Variants in NUDCD2 observed in about 807,000 individuals in gnomAD.
NUDCD2 encodes nudC domain-containing protein 2.
NUDCD2 carries 16 observed loss-of-function variants against 20.8 expected under a neutral mutation model. That is an observed-to-expected ratio of 0.77 (90% confidence interval 0.52 to 1.17). NUDCD2 has a LOEUF of 1.17. NUDCD2 is among the 50% of genes most tolerant of loss of function. The pLI is 0.00. For synonymous variants in NUDCD2, 87 were observed against 72.8 expected (o/e 1.20, Z -1.00); for missense variants, 199 against 193.9 (o/e 1.03, Z -0.16).
rs919876337 is a variant in NUDCD2, at chr5:163,450,714, TG to T, written c.*3252del. The T allele has an allele frequency of 3.9e-5, 6 of 152,126 alleles. No individual in the cohort carries two copies. The highest frequency in any genetic ancestry group is 1.4e-4 in the African/African-American group (6 of 41,436). 9.4% of individuals were successfully genotyped at this position (152,126 alleles called of 1,614,324 possible). On this transcript the variant is annotated 3_prime_UTR_variant, in exon 4 of 4. Transcript: ENST00000302764. The stretch of plus-strand genomic sequence containing the variant: ...AAATGGAACCTGCATACACTGCTGG[TG>T]GGAAAGTAAAAAGATGTAGCTGCTT...
Position 163,460,055 on chromosome 5 carries a change from C to A in NUDCD2, c.-5G>T. The stretch of plus-strand genomic sequence containing the variant: ...CTCCTCAAACGGGGCCGACATAATC[C>A]AGTCCCTCCCGGCCGCGGCCGCACC... On this transcript the variant is annotated 5_prime_UTR_variant, in exon 1 of 4. Coordinates refer to ENST00000302764, the MANE Select transcript of NUDCD2 (RefSeq NM_145266.6). The A allele has an allele frequency of 6.4e-7, 1 of 1,554,530 alleles. No individual in the cohort carries two copies. Among genetic ancestry groups the A allele is most frequent in the Non-Finnish European group, 8.7e-7 (1 of 1,151,998 alleles).
chr5:163,457,180 G>A, intron 2 of NUDCD2, 100 bp from the exon 3 acceptor site: 1 of 1,226,708 alleles, frequency 8.2e-7, no homozygotes, highest in South Asian at 1.7e-5. Context: ...CACCCAGGCT[G>A]GAGTGCAGCG....
At chr5:163,459,106 C>T (rs1375672261) in intron 1 of NUDCD2, 3 of 152,160 alleles carry the variant, frequency 2.0e-5, no homozygotes, top group Non-Finnish European at 4.4e-5. Flanking sequence ...GATATAGAGA[C>T]ACTGAACAAT....
At chr5:163,457,742 C>T (rs1758360304) in intron 1 of NUDCD2, 132 bp from the exon 2 acceptor site, 1 of 625,780 alleles carries the variant, frequency 1.6e-6, no homozygotes, top group Admixed American at 2.8e-5. Flanking sequence ...TTTATAGGTG[C>T]ACAACCCTAA....
rs1316496271 is a variant in NUDCD2, at chr5:163,449,081, T to G, written c.*4886A>C. 1.3e-5 allele frequency: 2 copies of G among 152,180 alleles called. No homozygotes were observed. The highest frequency in any genetic ancestry group is 6.5e-5 in the Admixed American group (1 of 15,276). 9.4% of individuals were successfully genotyped at this position (152,180 alleles called of 1,614,324 possible). A position where few individuals can be genotyped will look rare whatever the true frequency, so the allele number is the denominator to read the frequency against. On this transcript the variant is annotated 3_prime_UTR_variant, in exon 4 of 4. Coordinates refer to ENST00000302764, the MANE Select transcript of NUDCD2 (RefSeq NM_145266.6). ...TTCTCCATGTTATTGTTCTGGCCACTGCAATCAGGCAAGAAAAATCATAGA... is the reference window on the plus strand; with the variant it reads ...TTCTCCATGTTATTGTTCTGGCCACGGCAATCAGGCAAGAAAAATCATAGA...
intron 3 of NUDCD2, 123 bp downstream of exon 3, chr5:163,456,806 T>G: frequency 1.3e-6 from 1 of 795,520 alleles, no homozygotes; most frequent in South Asian, 3.1e-5. Flanking sequence ...CAATTCACTT[T>G]AAAAATTCTT....
At chr5:163,456,131 A>G (rs1313201586) in intron 3 of NUDCD2, among the ~76,000 whole-genome samples, 3 of 152,158 alleles carry the variant, frequency 2.0e-5, no homozygotes, top group African/African-American at 7.2e-5. Context: ...GAGATGTTGA[A>G]TAGGCAACCG....
chr5:163,459,919 C>T lies in NUDCD2; in HGVS notation c.132G>A (p.Gln44=). The change falls in exon 1 of 4, where the codon CAG becomes CAA. Residue 44 remains glutamine (Q), a synonymous_variant. Transcript: ENST00000302764. ...VPPGTRAQDI[Q]CGLQSRHVAL... ...CCACATGCCGGCTCTGGAGGCCGCA[C>T]TGGATATCCTGGGCGCGCGTGCCTG... 1 of 1,613,112 alleles carries T rather than the reference C, an allele frequency of 6.2e-7. No homozygotes were observed. Among genetic ancestry groups the T allele is most frequent in the Non-Finnish European group, 8.5e-7 (1 of 1,179,700 alleles).
Position 163,446,576 on chromosome 5 carries a change from G to A in NUDCD2, c.*7391C>T, listed in dbSNP as rs1046305613. 1 of 152,144 alleles carries A rather than the reference G, an allele frequency of 6.6e-6. No homozygotes were observed. The highest frequency in any genetic ancestry group is 2.4e-5 in the African/African-American group (1 of 41,418). The allele number at this position is 152,144 out of a possible 1,614,324, so 9.4% of individuals were successfully genotyped here. On this transcript the variant is annotated 3_prime_UTR_variant, in exon 4 of 4. Coordinates refer to ENST00000302764, the MANE Select transcript of NUDCD2 (RefSeq NM_145266.6). ...CTATATGCTGGCCACATTAACTTCT[G>A]TGCTGTCATCATGATCATAGAATAA... is the stretch of plus-strand genomic sequence containing the variant.
chr5:163,453,101 C>A lies in NUDCD2; in HGVS notation c.*866G>T, dbSNP rs756062464. The A allele has an allele frequency of 6.6e-6, 1 of 152,114 alleles. No homozygotes were observed. The highest frequency in any genetic ancestry group is 2.1e-4 in the South Asian group (1 of 4,826). The allele number at this position is 152,114 out of a possible 1,614,324, so 9.4% of individuals were successfully genotyped here. On this transcript the variant is annotated 3_prime_UTR_variant, in exon 4 of 4. Coordinates refer to ENST00000302764, the MANE Select transcript of NUDCD2 (RefSeq NM_145266.6). ...AGTAATCAGTAATGAGGAATCATGT[C>A]TTCAACTAAATCACAAATGGTTCAG...
chr5:163,460,044 C>G lies in NUDCD2; in HGVS notation c.7G>C (p.Ala3Pro). MS[A>P]PFEERSGVVP... ...ACCCCACTCCGCTCCTCAAACGGGGCCGACATAATCCAGTCCCTCCCGGCC... is the reference window on the plus strand; with the variant it reads ...ACCCCACTCCGCTCCTCAAACGGGGGCGACATAATCCAGTCCCTCCCGGCC... Residue 3 changes from alanine to proline, a missense_variant, in exon 1 of 4, where the codon GCC (alanine) becomes CCC (proline). Coordinates refer to ENST00000302764, the MANE Select transcript of NUDCD2 (RefSeq NM_145266.6). 1 of 1,576,504 alleles carries G rather than the reference C, an allele frequency of 6.3e-7. No homozygotes were observed. The highest frequency in any genetic ancestry group is 8.6e-7 in the Non-Finnish European group (1 of 1,163,530).
At chr5:163,455,489 C>T (rs1354721113) in intron 3 of NUDCD2, among the ~76,000 whole-genome samples, 3 of 152,052 alleles carry the variant, frequency 2.0e-5, no homozygotes, top group Non-Finnish European at 4.4e-5. Context: ...ACTGGCTGGG[C>T]GCGGTGGTTC....
rs944111771 is a variant in NUDCD2 at position 163,447,016 on chromosome 5, A to G, written c.*6951T>C. 3 of 152,234 alleles carry G rather than the reference A, an allele frequency of 2.0e-5. No homozygotes were observed. The highest frequency in any genetic ancestry group is 1.5e-5 in the Non-Finnish European group (1 of 68,050). The allele number at this position is 152,234 out of a possible 1,614,324, so 9.4% of individuals were successfully genotyped here. The stretch of plus-strand genomic sequence containing the variant: ...GTGAGGCTCTTGTCTCAAAAAATAA[A>G]TTAAAAAGCCATTTTTATATTCATC... On this transcript the variant is annotated 3_prime_UTR_variant, in exon 4 of 4. Coordinates refer to ENST00000302764, the MANE Select transcript of NUDCD2 (RefSeq NM_145266.6).
rs140642151 is a variant in NUDCD2 at position 163,456,998 on chromosome 5, T to C, written c.321A>G (p.Glu107=). 1.4e-5 allele frequency: 22 copies of C among 1,613,678 alleles called. No homozygotes were observed. In the African/African-American group the frequency reaches 2.3e-4, roughly 17 times the overall value. Reference sequence around the variant, plus strand: ...CTTGCACCCAAGGATCCGCTGCATATTCAGATTCTAGTAGAGAAGTCCAAC... The same window carrying C: ...CTTGCACCCAAGGATCCGCTGCATACTCAGATTCTAGTAGAGAAGTCCAAC... ...ANCWTSLLES[E]YAADPWVQDQ... Residue 107 remains glutamate (E), a synonymous_variant, in exon 3 of 4, where the codon GAA becomes GAG. Coordinates refer to ENST00000302764, the MANE Select transcript of NUDCD2 (RefSeq NM_145266.6).
At position 163,447,257 on chromosome 5, in the gene NUDCD2, GC is replaced by G. The variant is rs1758059330; in HGVS notation, c.*6709del. 1.3e-5 allele frequency: 2 copies of G among 152,570 alleles called. No individual in the cohort carries two copies. The highest frequency in any genetic ancestry group is 4.8e-5 in the African/African-American group (2 of 41,382). 9.5% of individuals were successfully genotyped at this position (152,570 alleles called of 1,614,324 possible). A position where few individuals can be genotyped will look rare whatever the true frequency, so the allele number is the denominator to read the frequency against. On this transcript the variant is annotated 3_prime_UTR_variant, in exon 4 of 4. Transcript: ENST00000302764. ...GCTTGAGGCCAAGAGTTCAAGACCA[GC>G]CTACTCAACATAGGGAGACCCTATC...
chr5:163,455,415 G>T (rs1758276536), intron 3 of NUDCD2, among the ~76,000 whole-genome samples: 1 of 152,206 alleles, frequency 6.6e-6, no homozygotes, highest in Non-Finnish European at 1.5e-5. Flanking sequence ...AAAGGGCCGA[G>T]AAATGACTTG....
At chr5:163,459,650 T>C in intron 1 of NUDCD2, 1 of 412,312 alleles carries the variant, frequency 2.4e-6, no homozygotes, top group Non-Finnish European at 4.3e-6. Flanking sequence ...GTTTGAAAAC[T>C]AAACACGAAA....
chr5:163,457,232 A>G, intron 2 of NUDCD2, 152 bp from the exon 3 acceptor site: 4 of 784,192 alleles, frequency 5.1e-6, no homozygotes, highest in South Asian at 2.1e-5. Flanking sequence ...CCCGGGTTCA[A>G]GTGATTCTCC....
Position 163,447,794 on chromosome 5 carries a change from A to G in NUDCD2, c.*6173T>C, listed in dbSNP as rs1758076574. The stretch of plus-strand genomic sequence containing the variant: ...ATCTAGAAATCAGTAACAGCAAGAA[A>G]ATCTCCAAACACTTGGAAATTAAAC... On this transcript the variant is annotated 3_prime_UTR_variant, in exon 4 of 4. Transcript: ENST00000302764. The G allele has an allele frequency of 6.6e-6, 1 of 152,194 alleles. No individual in the cohort carries two copies. The highest frequency in any genetic ancestry group is 2.4e-5 in the African/African-American group (1 of 41,454). The allele number at this position is 152,194 out of a possible 1,614,324, so 9.4% of individuals were successfully genotyped here. A position where few individuals can be genotyped will look rare whatever the true frequency, so the allele number is the denominator to read the frequency against.
Sources: allele counts gnomAD v4.1 joint callset (sites outside exome capture counted in the v4.1 genomes callset), GRCh38; gene constraint gnomAD v4.1.1; transcripts MANE v1.5; gene names NCBI Gene and HGNC (gene_info 2026-07-23, HGNC 2026-07-21).